Variants in ATOH8 observed in about 807,000 individuals in gnomAD.
ATOH8 encodes atonal bHLH transcription factor 8.
ATOH8 carries 9 observed loss-of-function variants against 21.2 expected under a neutral mutation model. That is an observed-to-expected ratio of 0.42 (90% CI 0.26 to 0.74). ATOH8 has a LOEUF of 0.74. Among genes scored for constraint, ATOH8 ranks in the 30% least tolerant of loss-of-function variants. The pLI is 0.24. For synonymous variants in ATOH8, 253 were observed against 224.0 expected (o/e 1.13, Z -1.16); for missense variants, 524 against 470.9 (o/e 1.11, Z -1.04).
intron 2 of ATOH8, among the ~76,000 whole-genome samples, chr2:85,767,637 G>A (rs1015293166): frequency 6.4e-5 from 1 of 15,546 alleles, no homozygotes; most frequent in Non-Finnish European, 1.3e-4. Context: ...CTGACACAGT[G>A]CAGGTACAAA....
chr2:85,760,491 T>C (rs1679837817), intron 1 of ATOH8, among the ~76,000 whole-genome samples: 1 of 152,060 alleles, frequency 6.6e-6, no homozygotes, highest in Non-Finnish European at 1.5e-5. Context: ...TATAGACACT[T>C]ATTCAGATCC....
At position 85,754,431 on chromosome 2, in the gene ATOH8, C is replaced by G. The variant is rs755934942; in HGVS notation, c.242C>G (p.Ala81Gly). ...PVPVPVPVPV[A>G]PAVPPRGGTD... is the part of the protein sequence containing the mutation. The stretch of plus-strand genomic sequence containing the variant: ...CCGGTGCCGGTGCCAGTCCCAGTGG[C>G]GCCGGCCGTTCCCCCAAGAGGGGGC... The change falls in exon 1 of 3, where the codon GCG becomes GGG. Residue 81 changes from alanine to glycine, a missense_variant. By Grantham distance (60) the Ala-to-Gly change is moderately conservative. Transcript: ENST00000306279. The G allele has an allele frequency of 3.3e-6, 5 of 1,528,490 alleles. No homozygotes were observed. Among genetic ancestry groups the G allele is most frequent in the African/African-American group, 1.5e-5 (1 of 68,884 alleles). 94.7% of individuals were successfully genotyped at this position (1,528,490 alleles called of 1,614,324 possible). A position where few individuals can be genotyped will look rare whatever the true frequency, so the allele number is the denominator to read the frequency against.
chr2:85,775,277 A>G lies in ATOH8; in HGVS notation c.960+11095A>G, dbSNP rs555891598. The G allele has an allele frequency of 4.4e-4, 434 of 985,108 alleles. 2 individuals are homozygous for G. The African/African-American group carries it at 5.6e-3, about 13-fold the overall frequency. The allele number at this position is 985,108 out of a possible 1,614,324, so 61.0% of individuals were successfully genotyped here. On this transcript the variant is annotated intron_variant, in intron 2 of 2. Transcript: ENST00000306279. Reference sequence around the variant, plus strand: ...CATACTAGGGCCCCCAAATAATGACACACCATTCTTTCCACTAAAATCCAC... The same window carrying G: ...CATACTAGGGCCCCCAAATAATGACGCACCATTCTTTCCACTAAAATCCAC...
chr2:85,758,244 G>A (rs933025278), intron 1 of ATOH8, among the ~76,000 whole-genome samples: 1 of 152,234 alleles, frequency 6.6e-6, no homozygotes, highest in Non-Finnish European at 1.5e-5. Context: ...TGCTAAGCTT[G>A]TTATGTGTAT....
chr2:85,778,009 AC>A (rs1208874814), intron 2 of ATOH8, among the ~76,000 whole-genome samples: 1 of 152,018 alleles, frequency 6.6e-6, no homozygotes, highest in Non-Finnish European at 1.5e-5. Context: ...GACCCTTCCT[AC>A]CCCACCCCGA....
At position 85,754,294 on chromosome 2, in the gene ATOH8, G is replaced by T. The variant is rs199909496; in HGVS notation, c.105G>T (p.Arg35=). Residue 35 remains arginine, a synonymous_variant, in exon 1 of 3, where the codon CGG becomes CGT. Coordinates refer to ENST00000306279, the MANE Select transcript of ATOH8 (RefSeq NM_032827.7). ...AGCGGAAAGGCAAGGAGCCGGCGCGGCGCGCGAACGGCTATAAAACTTTCC... is the reference window on the plus strand; with the variant it reads ...AGCGGAAAGGCAAGGAGCCGGCGCGTCGCGCGAACGGCTATAAAACTTTCC... ...KLKRKGKEPA[R]RANGYKTFRL... 297 of 1,610,094 alleles carry T rather than the reference G, an allele frequency of 1.8e-4. 2 individuals are homozygous for T. The South Asian group carries it at 3.1e-3, about 17-fold the overall frequency.
At chr2:85,773,944 G>A (rs1016329387) in intron 2 of ATOH8, 6 of 294,514 alleles carry the variant, frequency 2.0e-5, no homozygotes, top group Non-Finnish European at 2.5e-5. Flanking sequence ...CTGGGGGCAG[G>A]TATCTGGTTT....
intron 1 of ATOH8, among the ~76,000 whole-genome samples, chr2:85,756,139 A>G (rs1204744654): frequency 1.7e-5 from 2 of 120,082 alleles, no homozygotes; most frequent in Non-Finnish European, 3.2e-5. Context: ...TTTTGAGCCA[A>G]AGTGTCTTGC....
At chr2:85,776,005 G>T (rs946783006) in intron 2 of ATOH8, among the ~76,000 whole-genome samples, 1 of 152,216 alleles carries the variant, frequency 6.6e-6, no homozygotes, top group African/African-American at 2.4e-5. Context: ...GAACTGAAAT[G>T]ACCTGACTAG....
chr2:85,754,376 A>G lies in ATOH8; in HGVS notation c.187A>G (p.Arg63Gly), dbSNP rs970008842. The change falls in exon 1 of 3, where the codon AGG (arginine) becomes GGG (glycine). Residue 63 changes from arginine (R) to glycine (G), a missense_variant. Arg to Gly is a moderately radical substitution (Grantham distance 125, BLOSUM62 -2). Transcript: ENST00000306279. ...RAVATNGLRD[R>G]THRLQPVPVP... ...CGTAGCCACCAACGGGCTGCGGGAC[A>G]GGACCCATCGGCTGCAGCCGGTCCC... The G allele has an allele frequency of 4.4e-6, 7 of 1,592,886 alleles. No individual in the cohort carries two copies. Among genetic ancestry groups the G allele is most frequent in the African/African-American group, 2.8e-5 (2 of 71,722 alleles).
At position 85,755,454 on chromosome 2, in the gene ATOH8, T is replaced by G. The variant is rs1264550475; in HGVS notation, c.768+497T>G. Among the ~76,000 whole-genome samples the G allele has an allele frequency of 2.0e-5, 3 of 152,186 alleles. No homozygotes were observed. In the East Asian group the frequency reaches 5.8e-4, roughly 29 times the overall value. ...GAACACTCAGGTTGCTTCCGGGCTA[T>G]GCACTCCTTGCCCTGGCATCCTCAA... is the stretch of plus-strand genomic sequence containing the variant. On this transcript the variant is annotated intron_variant, in intron 1 of 2. Transcript: ENST00000306279.
intron 2 of ATOH8, among the ~76,000 whole-genome samples, chr2:85,765,038 G>A (rs1271951333): frequency 6.6e-6 from 1 of 152,240 alleles, no homozygotes; most frequent in Non-Finnish European, 1.5e-5. Context: ...CACAGCTATA[G>A]GTCCCCAGGT....
At chr2:85,786,227 C>T (rs1171880548) in intron 2 of ATOH8, among the ~76,000 whole-genome samples, 1 of 152,198 alleles carries the variant, frequency 6.6e-6, no homozygotes, top group Admixed American at 6.5e-5. Context: ...CTGGGTCCCC[C>T]TTCCTCTGTG....
chr2:85,783,979 A>G (rs1426972661), intron 2 of ATOH8, among the ~76,000 whole-genome samples: 1 of 151,996 alleles, frequency 6.6e-6, no homozygotes, highest in African/African-American at 2.4e-5. Flanking sequence ...GGCGTCCTCC[A>G]CTGGGTCTTG....
intron 2 of ATOH8, among the ~76,000 whole-genome samples, chr2:85,769,061 GA>G (rs1249886748): frequency 2.0e-5 from 3 of 152,252 alleles, no homozygotes; most frequent in Non-Finnish European, 1.5e-5. Flanking sequence ...AGGAGGAGGG[GA>G]AAGAGGAAGA....
At position 85,790,436 on chromosome 2, in the gene ATOH8, C is replaced by T. The variant is rs1680738588; in HGVS notation, c.*3546C>T. 6.6e-6 allele frequency among the ~76,000 whole-genome samples: 1 copy of T among 152,192 alleles called. No homozygotes were observed. Among genetic ancestry groups the T allele is most frequent in the African/African-American group, 2.4e-5 (1 of 41,440 alleles). On this transcript the variant is annotated 3_prime_UTR_variant, in exon 3 of 3. Transcript: ENST00000306279. ...CTTTGCAAGACTCTCCAAAGACTGC[C>T]CACAGACTGTGCTGCTTCCTGGGTC...
intron 2 of ATOH8, 88 bp downstream of exon 2, chr2:85,764,270 A>C: frequency 6.6e-7 from 1 of 1,523,604 alleles, no homozygotes; most frequent in East Asian, 2.3e-5. Flanking sequence ...TATGCCCAGA[A>C]TTCTGAAGGG....
At position 85,788,542 on chromosome 2, in the gene ATOH8, G is replaced by A. The variant is rs114959871; in HGVS notation, c.*1652G>A. On this transcript the variant is annotated 3_prime_UTR_variant, in exon 3 of 3. Transcript: ENST00000306279. ...CCTTGTCACATTGCTTCACCTCAGC[G>A]GGCCTAAGGTAGGGACAATAAAGGC... Among the ~76,000 whole-genome samples, 512 of 152,190 alleles carry A rather than the reference G, an allele frequency of 3.4e-3. 3 individuals carry two copies. The highest frequency in any genetic ancestry group is 0.012 in the African/African-American group (492 of 41,508).
intron 2 of ATOH8, 147 bp downstream of exon 2, chr2:85,764,329 A>G (rs1342065760): frequency 1.7e-5 from 17 of 1,021,458 alleles, no homozygotes; most frequent in Non-Finnish European, 2.2e-5. Flanking sequence ...CCTCAGCTTC[A>G]GTGCTCCTCA....
Sources: gnomAD v4.1 joint callset for allele counts (sites outside exome capture counted in the v4.1 genomes callset) on GRCh38, gnomAD v4.1.1 for gene constraint, MANE v1.5 for transcripts, NCBI Gene and HGNC (gene_info 2026-07-23, HGNC 2026-07-21) for gene names.